Variants in RHOQ observed in about 807,000 individuals in gnomAD.
RHOQ encodes the protein rho-related GTP-binding protein RhoQ.
In RHOQ, 7 loss-of-function variants were observed where a neutral mutation model predicts 25.8. The ratio of observed to expected loss-of-function variants is 0.27; its 90% CI spans 0.15 to 0.51. The LOEUF is 0.51. Among genes scored for constraint, RHOQ ranks in the 20% least tolerant of loss-of-function variants. RHOQ has a pLI of 0.97. For synonymous variants in RHOQ, 97 were observed against 98.6 expected (o/e 0.98, Z 0.10); for missense variants, 165 against 260.6 (o/e 0.63, Z 2.53).
At chr2:46,577,028 TTCA>T (rs1364393188) in intron 4 of RHOQ, 1 of 166,034 alleles carries the variant, frequency 6.0e-6, no homozygotes, top group African/African-American at 2.4e-5. Flanking sequence ...TCAACCCTTC[TTCA>T]TTACTTAAAC....
intron 2 of RHOQ, among the ~76,000 whole-genome samples, chr2:46,572,402 C>T (rs1243907769): frequency 6.6e-6 from 1 of 151,994 alleles, no homozygotes; most frequent in Non-Finnish European, 1.5e-5. Context: ...CGCACCTGGC[C>T]ATGTGTGATA....
chr2:46,542,591 C>G lies in RHOQ; in HGVS notation c.-456C>G, dbSNP rs1440467561. ...GCAGGCGGGGGCGCGTGGCGCGGGC[C>G]GCGCTCGGGGAGGCGCCTGGGCCCG... On this transcript the variant is annotated 5_prime_UTR_variant, in exon 1 of 5. Coordinates refer to ENST00000238738, the MANE Select transcript of RHOQ (RefSeq NM_012249.4). The G allele has an allele frequency of 6.8e-6, 1 of 146,778 alleles. No homozygotes were observed. Among genetic ancestry groups the G allele is most frequent in the Non-Finnish European group, 1.5e-5 (1 of 65,992 alleles). 9.1% of individuals were successfully genotyped at this position (146,778 alleles called of 1,614,324 possible). A position where few individuals can be genotyped will look rare whatever the true frequency, so the allele number is the denominator to read the frequency against.
intron 2 of RHOQ, among the ~76,000 whole-genome samples, chr2:46,554,188 A>G (rs1440107303): frequency 6.7e-6 from 1 of 150,174 alleles, no homozygotes; most frequent in Non-Finnish European, 1.5e-5. Context: ...ATATACCCTC[A>G]TTTCTAGTTC....
chr2:46,543,542 A>T (rs942434651), intron 1 of RHOQ: 1 of 608,272 alleles, frequency 1.6e-6, no homozygotes, highest in African/African-American at 1.9e-5. Context: ...GACTTGGGAG[A>T]AGGGGGTGGA....
rs77810696 is a variant in RHOQ at position 46,561,493 on chromosome 2, G to T, written c.202-14594G>T. Among the ~76,000 whole-genome samples the T allele has an allele frequency of 3.9e-3, 592 of 152,284 alleles. 8 individuals carry two copies. In the South Asian group the frequency reaches 0.041, roughly 10 times the overall value. Reference sequence around the variant, plus strand: ...CATTAAATCTAAGGTGGGAAGAGGAGTTTGATGACTGCATGGCCAACCTTG... The same window carrying T: ...CATTAAATCTAAGGTGGGAAGAGGATTTTGATGACTGCATGGCCAACCTTG... On this transcript the variant is annotated intron_variant, in intron 2 of 4. Coordinates refer to ENST00000238738, the MANE Select transcript of RHOQ (RefSeq NM_012249.4).
Position 46,556,264 on chromosome 2 carries a change from A to G in RHOQ, c.201+12452A>G, listed in dbSNP as rs1558684802. Reference sequence around the variant, plus strand: ...TTCCATTCCTTTTTATGGCTCTGTGATCTTTCTCTTTCCATTTTATTCCTG... The same window carrying G: ...TTCCATTCCTTTTTATGGCTCTGTGGTCTTTCTCTTTCCATTTTATTCCTG... On this transcript the variant is annotated intron_variant, in intron 2 of 4. Transcript: ENST00000238738. The surrounding 1 kb of genome is among the most constrained non-coding windows in gnomAD (Gnocchi z 4.9). 1.3e-5 allele frequency among the ~76,000 whole-genome samples: 2 copies of G among 151,798 alleles called. No homozygotes were observed. Among genetic ancestry groups the G allele is most frequent in the East Asian group, 3.9e-4 (2 of 5,160 alleles).
intron 1 of RHOQ, chr2:46,543,417 C>G (rs1481322437): frequency 1.7e-6 from 1 of 603,514 alleles, no homozygotes; most frequent in Non-Finnish European, 2.9e-6. Flanking sequence ...GCTCCCCGCA[C>G]TTCCTACCCC....
intron 2 of RHOQ, among the ~76,000 whole-genome samples, chr2:46,564,188 C>T (rs935115357): frequency 5.9e-5 from 9 of 151,994 alleles, no homozygotes; most frequent in Non-Finnish European, 8.8e-5. Context: ...ACCTGTAGTC[C>T]CAGCTACTTG....
chr2:46,563,770 A>G (rs1386895815), intron 2 of RHOQ, among the ~76,000 whole-genome samples: 1 of 151,954 alleles, frequency 6.6e-6, no homozygotes, highest in East Asian at 2.0e-4. Flanking sequence ...GTAAGGCAAG[A>G]TCATACCTTT....
At chr2:46,575,705 T>G (rs1669098380) in intron 2 of RHOQ, among the ~76,000 whole-genome samples, 1 of 152,344 alleles carries the variant, frequency 6.6e-6, no homozygotes, top group African/African-American at 2.4e-5. Context: ...TATAGACTAG[T>G]GCCTGACACA....
chr2:46,543,365 G>A, intron 1 of RHOQ, 177 bp downstream of exon 1: 1 of 600,660 alleles, frequency 1.7e-6, no homozygotes, highest in Non-Finnish European at 2.8e-6. Flanking sequence ...CCCCTCGCCC[G>A]CTGATCCACC....
At chr2:46,580,200 G>C (rs1669302176) in intron 4 of RHOQ, 1 of 152,532 alleles carries the variant, frequency 6.6e-6, no homozygotes, top group South Asian at 2.1e-4. Context: ...ACAAGCCTCT[G>C]TTCCCTCTCT....
chr2:46,545,604 G>A (rs773255089), intron 2 of RHOQ, among the ~76,000 whole-genome samples: 3 of 152,196 alleles, frequency 2.0e-5, no homozygotes, highest in Non-Finnish European at 4.4e-5. Context: ...GAGAAGCTAG[G>A]TTGCTTGCCT....
At position 46,576,404 on chromosome 2, in the gene RHOQ, T is replaced by C. The variant is rs988348102; in HGVS notation, c.366+153T>C. On this transcript the variant is annotated intron_variant, in intron 3 of 4. Transcript: ENST00000238738. This position sits in a 1 kb window ranked among gnomAD's most constrained non-coding sequence, Gnocchi z 5.1. ...AGTTCTATCATATTTTTGGAAAAAA[T>C]TGTGCCAAAAGAAAGCAATTATTTT... Among the ~76,000 whole-genome samples, 22 of 152,264 alleles carry C rather than the reference T, an allele frequency of 1.4e-4. No homozygotes were observed. The highest frequency in any genetic ancestry group is 3.4e-3 in the Middle Eastern group (1 of 294).
intron 2 of RHOQ, among the ~76,000 whole-genome samples, chr2:46,553,903 C>T (rs555316229): frequency 4.6e-5 from 7 of 152,016 alleles, no homozygotes; most frequent in African/African-American, 1.7e-4. Flanking sequence ...ACCCATTAAC[C>T]ATCCCTACCT....
chr2:46,564,974 A>C lies in RHOQ; in HGVS notation c.202-11113A>C, dbSNP rs535046403. Among the ~76,000 whole-genome samples, 196 of 152,350 alleles carry C rather than the reference A, an allele frequency of 1.3e-3. 5 individuals are homozygous for C. The South Asian group carries it at 0.039, about 30-fold the overall frequency. ...GTAGAGGGAGCCCTGAATAATCTCC[A>C]TGAGCTGCAGAGATAGGGCCAGTGA... On this transcript the variant is annotated intron_variant, in intron 2 of 4. Coordinates refer to ENST00000238738, the MANE Select transcript of RHOQ (RefSeq NM_012249.4).
At position 46,580,945 on chromosome 2, in the gene RHOQ, T is replaced by C. The variant is rs1288962391; in HGVS notation, c.480T>C (p.Tyr160=). ...KLAKEIGACC[Y]VECSALTQKG... Reference sequence around the variant, plus strand: ...CCTCCCAGATAGGAGCATGCTGCTATGTGGAATGTTCAGCTTTAACCCAGA... The same window carrying C: ...CCTCCCAGATAGGAGCATGCTGCTACGTGGAATGTTCAGCTTTAACCCAGA... Residue 160 remains tyrosine, a synonymous_variant, in exon 5 of 5, where the codon TAT becomes TAC. Transcript: ENST00000238738. The C allele has an allele frequency of 6.5e-7, 1 of 1,527,630 alleles. No individual in the cohort carries two copies. The highest frequency in any genetic ancestry group is 8.7e-7 in the Non-Finnish European group (1 of 1,143,588). The allele number at this position is 1,527,630 out of a possible 1,614,324, so 94.6% of individuals were successfully genotyped here. A position where few individuals can be genotyped will look rare whatever the true frequency, so the allele number is the denominator to read the frequency against.
At chr2:46,561,965 C>G (rs1178096883) in intron 2 of RHOQ, among the ~76,000 whole-genome samples, 1 of 152,248 alleles carries the variant, frequency 6.6e-6, no homozygotes, top group Non-Finnish European at 1.5e-5. Flanking sequence ...ATGACATCCC[C>G]TTGCTGCCAG....
At chr2:46,560,501 TAA>T (rs2104001255) in intron 2 of RHOQ, 1 of 449,268 alleles carries the variant, frequency 2.2e-6, no homozygotes, top group East Asian at 7.1e-5. Context: ...GATGAATTAA[TAA>T]AGAAGTTGCT....
Sources: allele counts gnomAD v4.1 joint callset (sites outside exome capture counted in the v4.1 genomes callset), GRCh38; gene constraint gnomAD v4.1.1; non-coding constraint Gnocchi (gnomAD v3.1); transcripts MANE v1.5; gene names NCBI Gene and HGNC (gene_info 2026-07-23, HGNC 2026-07-21).